The following IFIT2 variants were observed in gnomAD, a reference collection of about 807,000 sequenced individuals.
The protein encoded by IFIT2 is interferon induced protein with tetratricopeptide repeats 2.
In IFIT2, 3 loss-of-function variants were observed where a neutral mutation model predicts 2.5. The ratio of observed to expected loss-of-function variants is 1.21; its 90% CI spans 0.55 to 3.14. The LOEUF is 3.14. IFIT2 is among the 30% of genes most tolerant of loss of function. IFIT2 has a pLI of 0.03. For synonymous variants in IFIT2, 212 were observed against 200.7 expected (o/e 1.06, Z -0.48); for missense variants, 493 against 558.9 (o/e 0.88, Z 1.19).
rs1481379683 is a variant in IFIT2 at position 89,305,982 on chromosome 10, T to G, written c.26T>G (p.Leu9Trp). ...TACAGTGAGAACAATAAGAATTCCT[T>G]GGAGAGCAGCCTACGGCAACTAAAA... The part of the protein sequence containing the change: MSENNKNS[L>W]ESSLRQLKCH... Residue 9 changes from leucine (L) to tryptophan (W), a missense_variant, in exon 2 of 2, where the codon TTG (leucine) becomes TGG (tryptophan). Coordinates refer to ENST00000371826, the MANE Select transcript of IFIT2 (RefSeq NM_001547.5). 1.6e-5 allele frequency: 26 copies of G among 1,612,578 alleles called. No individual in the cohort carries two copies. Among genetic ancestry groups the G allele is most frequent in the Non-Finnish European group, 2.2e-5 (26 of 1,178,724 alleles).
rs912102554 is a variant in IFIT2, at chr10:89,302,196, C to T, written c.5+68C>T. 7.1e-6 allele frequency: 11 copies of T among 1,555,158 alleles called. No homozygotes were observed. The South Asian group carries it at 7.8e-5, about 11-fold the overall frequency. On this transcript the variant is annotated intron_variant, in intron 1 of 1. Coordinates refer to ENST00000371826, the MANE Select transcript of IFIT2 (RefSeq NM_001547.5). ...CTTGTCCAATGCAAATCCTGAGAAGCTATGTTCCCAAAGAGGGCCAGCTCC... is the reference window on the plus strand; with the variant it reads ...CTTGTCCAATGCAAATCCTGAGAAGTTATGTTCCCAAAGAGGGCCAGCTCC...
In IFIT2 at chr10:89,306,528, C is replaced by G. The variant is rs756436734; in HGVS notation, c.572C>G (p.Ser191Cys). 1.2e-6 allele frequency: 2 copies of G among 1,614,114 alleles called. No homozygotes were observed. The highest frequency in any genetic ancestry group is 1.1e-5 in the South Asian group (1 of 91,088). Residue 191 changes from serine (S) to cysteine (C), a missense_variant, in exon 2 of 2, where the codon TCT (serine) becomes TGT (cysteine). Coordinates refer to ENST00000371826, the MANE Select transcript of IFIT2 (RefSeq NM_001547.5). ...TACCGTCTGGACAACTGGCCACCAT[C>G]TCAGAACGCCATTGACCCTCTGAGG... Reference protein sequence around the residue: ...ASYRLDNWPPSQNAIDPLRQA... With the variant: ...ASYRLDNWPPCQNAIDPLRQA...
intron 1 of IFIT2, among the ~76,000 whole-genome samples, chr10:89,304,524 T>A (rs1374792724): frequency 6.6e-6 from 1 of 152,138 alleles, no homozygotes; most frequent in Non-Finnish European, 1.5e-5. Flanking sequence ...ACATTCCAGA[T>A]ATCTATTGGT....
rs553618007 is a variant in IFIT2 at position 89,307,646 on chromosome 10, G to T, written c.*271G>T. On this transcript the variant is annotated 3_prime_UTR_variant, in exon 2 of 2. Coordinates refer to ENST00000371826, the MANE Select transcript of IFIT2 (RefSeq NM_001547.5). ...TGACTTCTTGAGTGCAATTTGAACT[G>T]TAACATTTGCTTAGTCACCTTTAGT... 55 of 329,934 alleles carry T rather than the reference G, an allele frequency of 1.7e-4. No homozygotes were observed. The highest frequency in any genetic ancestry group is 1.1e-3 in the African/African-American group (53 of 48,806). 20.4% of individuals were successfully genotyped at this position (329,934 alleles called of 1,614,324 possible).
Position 89,306,988 on chromosome 10 carries a change from T to C in IFIT2, c.1032T>C (p.His344=), listed in dbSNP as rs767685090. The change falls in exon 2 of 2, where the codon CAT becomes CAC. Residue 344 remains histidine (H), a synonymous_variant. Coordinates refer to ENST00000371826, the MANE Select transcript of IFIT2 (RefSeq NM_001547.5). ...FRVCSILASL[H]ALADQYEDAE... Reference sequence around the variant, plus strand: ...TCTGTTCCATTCTTGCCAGCCTCCATGCTCTAGCAGATCAGTATGAAGACG... The same window carrying C: ...TCTGTTCCATTCTTGCCAGCCTCCACGCTCTAGCAGATCAGTATGAAGACG... 2 of 1,614,038 alleles carry C rather than the reference T, an allele frequency of 1.2e-6. No homozygotes were observed. The highest frequency in any genetic ancestry group is 1.3e-5 in the African/African-American group (1 of 75,008).
In IFIT2 at chr10:89,308,898, A is replaced by G. The variant is rs1313723992; in HGVS notation, c.*1523A>G. 1 of 152,194 alleles carries G rather than the reference A, an allele frequency of 6.6e-6. No individual in the cohort carries two copies. The highest frequency in any genetic ancestry group is 1.5e-5 in the Non-Finnish European group (1 of 68,042). 9.4% of individuals were successfully genotyped at this position (152,194 alleles called of 1,614,324 possible). ...AAAATGTCATATATTTTCATTAATA[A>G]ATAACCTAAATATGATAAAACATAA... On this transcript the variant is annotated 3_prime_UTR_variant, in exon 2 of 2. Transcript: ENST00000371826.
At chr10:89,304,923 G>A (rs926773215) in intron 1 of IFIT2, among the ~76,000 whole-genome samples, 6 of 151,926 alleles carry the variant, frequency 3.9e-5, no homozygotes, top group Admixed American at 3.9e-4. Flanking sequence ...GTGGCCTTGT[G>A]AGCCTTCCCT....
At chr10:89,303,338 T>C (rs74146910) in intron 1 of IFIT2, among the ~76,000 whole-genome samples, 6,991 of 152,296 alleles carry the variant, frequency 0.046, 503 homozygotes, top group African/African-American at 0.16. Context: ...TCTGAGGATG[T>C]GTGTTTCTAA....
intron 1 of IFIT2, among the ~76,000 whole-genome samples, chr10:89,304,865 A>C (rs1843468477): frequency 6.6e-6 from 1 of 152,062 alleles, no homozygotes; most frequent in Non-Finnish European, 1.5e-5. Flanking sequence ...GGAGAGTCAT[A>C]AGGGTACCCT....
In IFIT2 at chr10:89,306,980, A is replaced by G. The variant is rs1397852645; in HGVS notation, c.1024A>G (p.Ser342Gly). Residue 342 changes from serine (S) to glycine (G), a missense_variant, in exon 2 of 2, where the codon AGC becomes GGC. Coordinates refer to ENST00000371826, the MANE Select transcript of IFIT2 (RefSeq NM_001547.5). ...CTTCCGTGTCTGTTCCATTCTTGCC[A>G]GCCTCCATGCTCTAGCAGATCAGTA... ...NLFRVCSILA[S>G]LHALADQYED... 7 of 1,613,970 alleles carry G rather than the reference A, an allele frequency of 4.3e-6. No homozygotes were observed. The Admixed American group carries it at 1.0e-4, about 23-fold the overall frequency.
In IFIT2 at chr10:89,307,191, A is replaced by C; in HGVS notation, c.1235A>C (p.Lys412Thr). ...AAATCAAGGGAGAAAGAAAAGATGA[A>C]AGACAAACTGCAAAAAATTGCCAAA... is the stretch of plus-strand genomic sequence containing the variant. ...NQKSREKEKM[K>T]DKLQKIAKMR... Residue 412 changes from lysine to threonine, a missense_variant, in exon 2 of 2, where the codon AAA (lysine) becomes ACA (threonine). Transcript: ENST00000371826. 3.1e-6 allele frequency: 5 copies of C among 1,614,046 alleles called. No homozygotes were observed. The highest frequency in any genetic ancestry group is 4.2e-6 in the Non-Finnish European group (5 of 1,179,960).
At position 89,306,466 on chromosome 10, in the gene IFIT2, G is replaced by A. The variant is rs1314921934; in HGVS notation, c.510G>A (p.Lys170=). 1.9e-6 allele frequency: 3 copies of A among 1,614,114 alleles called. No homozygotes were observed. The South Asian group carries it at 3.3e-5, about 18-fold the overall frequency. Residue 170 remains lysine, a synonymous_variant, in exon 2 of 2, where the codon AAG becomes AAA. Transcript: ENST00000371826. ...CFEKALEKKP[K]NPEFTSGLAI... is the part of the protein sequence containing the mutation. Reference sequence around the variant, plus strand: ...AGAAGGCTCTGGAAAAGAAGCCAAAGAACCCAGAATTCACCTCTGGACTGG... The same window carrying A: ...AGAAGGCTCTGGAAAAGAAGCCAAAAAACCCAGAATTCACCTCTGGACTGG...
chr10:89,307,871 C>G lies in IFIT2; in HGVS notation c.*496C>G, dbSNP rs1038042748. Reference sequence around the variant, plus strand: ...AGTCTAAATAGGGCTCAGTATCCCCCATCGCTTATCTCTGCCTCCTTCCTC... The same window carrying G: ...AGTCTAAATAGGGCTCAGTATCCCCGATCGCTTATCTCTGCCTCCTTCCTC... On this transcript the variant is annotated 3_prime_UTR_variant, in exon 2 of 2. Transcript: ENST00000371826. The G allele has an allele frequency of 6.4e-6, 1 of 156,934 alleles. No individual in the cohort carries two copies. The highest frequency in any genetic ancestry group is 1.4e-5 in the Non-Finnish European group (1 of 70,600). The allele number at this position is 156,934 out of a possible 1,614,324, so 9.7% of individuals were successfully genotyped here.
rs1046819799 is a variant in IFIT2, at chr10:89,308,230, A to G, written c.*855A>G. ...CAGTAGGGATAGGGGAAAAGTAACC[A>G]AAAGAGAGAAAGAGAAAGGAATGCT... On this transcript the variant is annotated 3_prime_UTR_variant, in exon 2 of 2. Transcript: ENST00000371826. 6.6e-6 allele frequency: 1 copy of G among 152,236 alleles called. No homozygotes were observed. Among genetic ancestry groups the G allele is most frequent in the African/African-American group, 2.4e-5 (1 of 41,458 alleles). 9.4% of individuals were successfully genotyped at this position (152,236 alleles called of 1,614,324 possible).
Position 89,308,964 on chromosome 10 carries a change from A to G in IFIT2, c.*1589A>G, listed in dbSNP as rs1326007138. The G allele has an allele frequency of 6.6e-6, 1 of 152,236 alleles. No homozygotes were observed. The highest frequency in any genetic ancestry group is 2.4e-5 in the African/African-American group (1 of 41,460). 9.4% of individuals were successfully genotyped at this position (152,236 alleles called of 1,614,324 possible). On this transcript the variant is annotated 3_prime_UTR_variant, in exon 2 of 2. Coordinates refer to ENST00000371826, the MANE Select transcript of IFIT2 (RefSeq NM_001547.5). ...CATCTGGAATTTTGCTGTACTTTAA[A>G]TCTTTCAGACTCAGCTACTGATAAA...
intron 1 of IFIT2, among the ~76,000 whole-genome samples, chr10:89,304,542 G>C (rs1242355025): frequency 6.6e-6 from 1 of 152,040 alleles, no homozygotes; most frequent in African/African-American, 2.4e-5. Context: ...GGTTGTATAA[G>C]AAGCCATACT....
Position 89,306,855 on chromosome 10 carries a change from A to G in IFIT2, c.899A>G (p.Asn300Ser). Residue 300 changes from asparagine to serine, a missense_variant, in exon 2 of 2, where the codon AAT (asparagine) becomes AGT (serine). Asn to Ser is a conservative substitution (Grantham distance 46). Transcript: ENST00000371826. ...CYRAKVFQVM[N>S]LRENGMYGKR... The stretch of plus-strand genomic sequence containing the variant: ...AGGGCAAAAGTCTTCCAAGTAATGA[A>G]TCTAAGAGAGAATGGAATGTATGGG... 5 of 1,614,100 alleles carry G rather than the reference A, an allele frequency of 3.1e-6. No individual in the cohort carries two copies. Among genetic ancestry groups the G allele is most frequent in the Non-Finnish European group, 4.2e-6 (5 of 1,179,970 alleles).
chr10:89,303,069 A>G (rs1843455953), intron 1 of IFIT2, among the ~76,000 whole-genome samples: 1 of 151,820 alleles, frequency 6.6e-6, no homozygotes, highest in Admixed American at 6.6e-5. Flanking sequence ...GTCACCCAGA[A>G]TCTATAGAAC....
intron 1 of IFIT2, among the ~76,000 whole-genome samples, chr10:89,304,510 C>G (rs1435497100): frequency 6.6e-6 from 1 of 152,008 alleles, no homozygotes; most frequent in African/African-American, 2.4e-5. Context: ...TGCCACATTG[C>G]ATGACATTCC....
Sources: gnomAD v4.1 joint callset for allele counts (sites outside exome capture counted in the v4.1 genomes callset) on GRCh38, gnomAD v4.1.1 for gene constraint, MANE v1.5 for transcripts, NCBI Gene and HGNC (gene_info 2026-07-23, HGNC 2026-07-21) for gene names.